BMAL1: variants seen among roughly 807,000 people sequenced by gnomAD.
BMAL1 encodes the protein basic helix-loop-helix ARNT-like protein 1.
the BMAL1 span, chr11:13,387,111 C>T: frequency 5.7e-6 from 1 of 175,504 alleles, no homozygotes; most frequent in South Asian, 1.7e-4. Flanking sequence ...TGTTTTTACA[C>T]TACAAAGAAG....
chr11:13,350,869 G>A, the BMAL1 span, among the ~76,000 whole-genome samples: 1 of 152,202 alleles, frequency 6.6e-6, no homozygotes, highest in Non-Finnish European at 1.5e-5. Context: ...GCAAAAGGGT[G>A]GGAAAAGTGT....
the BMAL1 span, chr11:13,365,384 G>C: frequency 2.4e-6 from 2 of 826,844 alleles, no homozygotes; most frequent in South Asian, 3.3e-5. Context: ...CACTGAAACT[G>C]TTAGTGTTCC....
the BMAL1 span, among the ~76,000 whole-genome samples, chr11:13,377,696 G>A: frequency 2.0e-5 from 3 of 152,202 alleles, no homozygotes; most frequent in African/African-American, 7.2e-5. Context: ...GGCCCCTCAT[G>A]ATCGGATTGG....
At chr11:13,362,363 A>G in the BMAL1 span, among the ~76,000 whole-genome samples, 1 of 152,142 alleles carries the variant, frequency 6.6e-6, no homozygotes, top group South Asian at 2.1e-4. Context: ...TGAACTTAAG[A>G]TAGGACTTCT....
chr11:13,371,758 A>G, the BMAL1 span, among the ~76,000 whole-genome samples: 1 of 152,186 alleles, frequency 6.6e-6, no homozygotes, highest in Non-Finnish European at 1.5e-5. Context: ...TCAACCACAC[A>G]GAGCTCTTGG....
the BMAL1 span, chr11:13,376,911 T>G: frequency 1.7e-6 from 1 of 596,174 alleles, no homozygotes. Context: ...CTTTCTCTGT[T>G]GAGCCGGAAT....
the BMAL1 span, among the ~76,000 whole-genome samples, chr11:13,314,091 ACCTCT>A: frequency 3.3e-3 from 496 of 151,980 alleles, 3 homozygotes; most frequent in African/African-American, 0.011. Flanking sequence ...CCTACCCAGC[ACCTCT>A]CCATGACCTG....
At chr11:13,293,829 A>C in the BMAL1 span, among the ~76,000 whole-genome samples, 24 of 152,242 alleles carry the variant, frequency 1.6e-4, no homozygotes, top group Non-Finnish European at 2.5e-4. Context: ...ATGTGAACTA[A>C]TCATTTTTAA....
the BMAL1 span, among the ~76,000 whole-genome samples, chr11:13,336,382 TTTGA>T: frequency 6.6e-6 from 1 of 152,200 alleles, no homozygotes; most frequent in Non-Finnish European, 1.5e-5. Flanking sequence ...CTAAGTTTGT[TTTGA>T]TTGTTTTGTG....
At chr11:13,286,637 C>T in the BMAL1 span, among the ~76,000 whole-genome samples, 527 of 152,262 alleles carry the variant, frequency 3.5e-3, 1 homozygote, top group African/African-American at 0.012. Flanking sequence ...AAGCAGTTCC[C>T]CATGTGCAGA....
the BMAL1 span, among the ~76,000 whole-genome samples, chr11:13,291,191 G>T: frequency 2.0e-5 from 3 of 152,288 alleles, no homozygotes; most frequent in African/African-American, 2.4e-5. Flanking sequence ...CTTTCCAAAT[G>T]CTGTGATTCT....
the BMAL1 span, chr11:13,381,398 CT>C: frequency 1.3e-6 from 1 of 781,538 alleles, no homozygotes; most frequent in African/African-American, 1.7e-5. Flanking sequence ...CTGTGTGAGG[CT>C]GGATACAAAG....
the BMAL1 span, among the ~76,000 whole-genome samples, chr11:13,329,516 T>TG: frequency 1.3e-5 from 2 of 151,524 alleles, no homozygotes; most frequent in African/African-American, 4.8e-5. Context: ...TGGTGGGAGG[T>TG]GGGGGGTGAT....
the BMAL1 span, chr11:13,385,666 C>T: frequency 1.3e-6 from 2 of 1,567,678 alleles, no homozygotes; most frequent in African/African-American, 1.4e-5. Flanking sequence ...TCAAACTTCA[C>T]ACTTCCCTCC....
the BMAL1 span, among the ~76,000 whole-genome samples, chr11:13,324,598 A>G: frequency 6.6e-6 from 1 of 151,360 alleles, no homozygotes; most frequent in Admixed American, 6.6e-5. Flanking sequence ...AGCACTCATC[A>G]CTCTCTGACT....
At chr11:13,380,200 G>A in the BMAL1 span, 58 of 152,340 alleles carry the variant, frequency 3.8e-4, no homozygotes, top group East Asian at 2.3e-3. Context: ...ATTAGCAGCC[G>A]TTTGTGCATG....
At chr11:13,371,253 T>C in the BMAL1 span, among the ~76,000 whole-genome samples, 1 of 152,184 alleles carries the variant, frequency 6.6e-6, no homozygotes, top group Admixed American at 6.5e-5. Context: ...TCGAACTATC[T>C]TTTTTCTCTC....
the BMAL1 span, among the ~76,000 whole-genome samples, chr11:13,339,196 C>T: frequency 1.3e-5 from 2 of 152,210 alleles, no homozygotes; most frequent in African/African-American, 4.8e-5. Flanking sequence ...TTAGAGCATA[C>T]CAAGAATCAA....
At chr11:13,372,053 A>AT in the BMAL1 span, 704 of 1,421,826 alleles carry the variant, frequency 5.0e-4, 1 homozygote, top group East Asian at 8.1e-4. Flanking sequence ...TGAAGCCTTG[A>AT]TTTTTTTTTA....
Sources: allele counts gnomAD v4.1 joint callset (sites outside exome capture counted in the v4.1 genomes callset), GRCh38; gene constraint gnomAD v4.1.1; transcripts MANE v1.5; gene names NCBI Gene and HGNC (gene_info 2026-07-23, HGNC 2026-07-21).